Variants in TRIM64C observed in about 807,000 individuals in gnomAD.
TRIM64C encodes the protein tripartite motif containing 64C.
In TRIM64C, 25 loss-of-function variants were observed where a neutral mutation model predicts 36.1. The observed-to-expected ratio is 0.69, with a 90% CI of 0.51 to 0.97. TRIM64C has a LOEUF of 0.97. Among genes scored for constraint, TRIM64C ranks in the 50% least tolerant of loss-of-function variants. The pLI is 0.00. For missense variants in TRIM64C, 489 were observed against 536.8 expected, an observed-to-expected ratio of 0.91 and a Z score of 0.88; for synonymous variants, 212 against 185.7, an observed-to-expected ratio of 1.14 and a Z score of -1.15.
In TRIM64C at chr11:49,058,853, C is replaced by G; in HGVS notation, c.260G>C (p.Ser87Thr). ...ATGGAGCACACAGATATTGTCTGAG[C>G]TGTTGATGTTCTGAGGTCTGGTCTG... ...ARQTRPQNINSSDNICVLHEE... is the reference protein window; with the variant it reads ...ARQTRPQNINTSDNICVLHEE... The change falls in exon 1 of 6, where the codon AGC becomes ACC. Residue 87 changes from serine to threonine, a missense_variant. Ser to Thr is a moderately conservative substitution (Grantham distance 58, BLOSUM62 1). Coordinates refer to ENST00000617704, the MANE Select transcript of TRIM64C (RefSeq NM_001206631.1). The G allele has an allele frequency of 6.5e-7, 1 of 1,549,576 alleles. No individual in the cohort carries two copies. Among genetic ancestry groups the G allele is most frequent in the Admixed American group, 2.0e-5 (1 of 50,986 alleles).
chr11:49,056,470 T>A, intron 3 of TRIM64C, 89 bp from the exon 4 acceptor site: 1 of 1,092,466 alleles, frequency 9.2e-7, no homozygotes. Flanking sequence ...TGTTTTAGTG[T>A]TTTAATAATG....
In TRIM64C at chr11:49,057,197, T is replaced by A. The variant is rs2134721481; in HGVS notation, c.689A>T (p.Tyr230Phe). ...GTGGTATGTCTCCCACAGCTCTCTG[T>A]ACATGTCTTTCATCCCTTCTAAATG... is the stretch of plus-strand genomic sequence containing the variant. Reference protein sequence around the residue: ...TQHLEGMKDMYRELWETYHMP... With the variant: ...TQHLEGMKDMFRELWETYHMP... The change falls in exon 3 of 6, where the codon TAC becomes TTC. Residue 230 changes from tyrosine (Y) to phenylalanine (F), a missense_variant. Transcript: ENST00000617704. 6.5e-7 allele frequency: 1 copy of A among 1,549,660 alleles called. No homozygotes were observed. The highest frequency in any genetic ancestry group is 2.4e-5 in the East Asian group (1 of 40,900).
Position 49,056,391 on chromosome 11 carries a change from A to C in TRIM64C, c.739-10T>G, listed in dbSNP as rs749051884. On this transcript the variant is annotated splice_polypyrimidine_tract_variant and intron_variant, in intron 3 of 5. Coordinates refer to ENST00000617704, the MANE Select transcript of TRIM64C (RefSeq NM_001206631.1). ...ATATATTTCCCACATCCTGCAAAAA[A>C]AATAAAATGTAATGTTAATTATGAG... The C allele has an allele frequency of 1.3e-6, 2 of 1,538,682 alleles. No homozygotes were observed. Among genetic ancestry groups the C allele is most frequent in the South Asian group, 1.2e-5 (1 of 82,952 alleles).
At position 49,053,791 on chromosome 11, in the gene TRIM64C, C is replaced by T. The variant is rs967518383; in HGVS notation, c.1276G>A (p.Gly426Ser). ...GGAGGAAAACCATAGATAAGAGAACCTTTAGAAACATCAAAAAAACTCACA... is the reference window on the plus strand; with the variant it reads ...GGAGGAAAACCATAGATAAGAGAACTTTTAGAAACATCAAAAAAACTCACA... ...GSVSFFDVSK[G>S]SLIYGFPPSS... The change falls in exon 6 of 6, where the codon GGT becomes AGT. Residue 426 changes from glycine to serine, a missense_variant. By Grantham distance (56) the Gly-to-Ser change is moderately conservative. Transcript: ENST00000617704. 1.3e-5 allele frequency: 20 copies of T among 1,551,440 alleles called. No individual in the cohort carries two copies. In the East Asian group the frequency reaches 2.4e-4, roughly 19 times the overall value.
intron 4 of TRIM64C, among the ~76,000 whole-genome samples, chr11:49,055,993 T>C (rs1271047547): frequency 6.6e-6 from 1 of 151,418 alleles, no homozygotes; most frequent in Non-Finnish European, 1.5e-5. Flanking sequence ...CAGCCCATCC[T>C]TAGGGAATAT....
intron 5 of TRIM64C, among the ~76,000 whole-genome samples, 155 bp downstream of exon 5, chr11:49,055,155 A>T (rs1045871602): frequency 6.6e-6 from 1 of 152,224 alleles, no homozygotes; most frequent in Non-Finnish European, 1.5e-5. Flanking sequence ...TGATCATTGT[A>T]ATATTACTAT....
rs1281875139 is a variant in TRIM64C at position 49,054,200 on chromosome 11, A to T, written c.867T>A (p.Asn289Lys). 1 of 1,551,348 alleles carries T rather than the reference A, an allele frequency of 6.4e-7. No individual in the cohort carries two copies. ...LDMLNNFRVD[N>K]ALSTEMTPCY... ...AAGGAGTCATTTCTGTACTCAGAGCATTATCCACTGACAAGGAAAAAATAT... is the reference window on the plus strand; with the variant it reads ...AAGGAGTCATTTCTGTACTCAGAGCTTTATCCACTGACAAGGAAAAAATAT... The change falls in exon 6 of 6, where the codon AAT becomes AAA. Residue 289 changes from asparagine (N) to lysine (K), a missense_variant. Transcript: ENST00000617704.
Position 49,053,917 on chromosome 11 carries a change from T to C in TRIM64C, c.1150A>G (p.Ser384Gly), listed in dbSNP as rs572303490. Residue 384 changes from serine to glycine, a missense_variant, in exon 6 of 6, where the codon AGC (serine) becomes GGC (glycine). Coordinates refer to ENST00000617704, the MANE Select transcript of TRIM64C (RefSeq NM_001206631.1). ...KTFFSISSKT[S>G]NHYSLSTNSP... is the part of the protein sequence containing the mutation. ...TTGGTGGAGAGACTATAGTGATTGC[T>C]CGTCTTTGAAGAAATTGAAAAAAAT... 1.3e-6 allele frequency: 2 copies of C among 1,551,640 alleles called. No individual in the cohort carries two copies. Among genetic ancestry groups the C allele is most frequent in the African/African-American group, 1.4e-5 (1 of 73,162 alleles).
rs767992714 is a variant in TRIM64C, at chr11:49,058,701, G to A, written c.412C>T (p.Gln138Ter). ...ATTCAAACTGCCTTAGAGGCATCAC[G>A]TACCCTGCATTCCTCAGCAGCCCAT... is the stretch of plus-strand genomic sequence containing the variant. ...IGWAAEECRVQKLIKEMDYLW... is the reference protein window; with the variant it reads ...IGWAAEECRV The change falls in exon 1 of 6, where the codon CAG (glutamine) becomes TAG (stop). Residue 138 changes from glutamine to a stop codon, truncating the protein, a stop_gained and splice_region_variant. Coordinates refer to ENST00000617704, the MANE Select transcript of TRIM64C (RefSeq NM_001206631.1). LOFTEE classifies it high-confidence loss of function. The A allele has an allele frequency of 1.4e-5, 21 of 1,544,494 alleles. 1 individual carries two copies. The South Asian group carries it at 1.4e-4, about 11-fold the overall frequency.
At chr11:49,055,688 C>G (rs1225507962) in intron 4 of TRIM64C, among the ~76,000 whole-genome samples, 1 of 152,172 alleles carries the variant, frequency 6.6e-6, no homozygotes, top group Non-Finnish European at 1.5e-5. Flanking sequence ...ATCACACCCC[C>G]TGAGGGTATG....
chr11:49,056,465 T>C (rs924021513), intron 3 of TRIM64C, 84 bp from the exon 4 acceptor site: 2 of 1,160,934 alleles, frequency 1.7e-6, no homozygotes, highest in Non-Finnish European at 2.5e-6. Flanking sequence ...CTTTCTGTTT[T>C]AGTGTTTTAA....
At chr11:49,055,616 A>C (rs1399876820) in intron 4 of TRIM64C, among the ~76,000 whole-genome samples, 2 of 152,150 alleles carry the variant, frequency 1.3e-5, no homozygotes, top group African/African-American at 2.4e-5. Context: ...TTCTCCAGAT[A>C]TGTTATTCTC....
In TRIM64C at chr11:49,053,889, G is replaced by T. The variant is rs1274942624; in HGVS notation, c.1178C>A (p.Ser393Tyr). The T allele has an allele frequency of 6.4e-7, 1 of 1,551,764 alleles. No homozygotes were observed. The highest frequency in any genetic ancestry group is 2.0e-5 in the Admixed American group (1 of 51,010). ...TTGCACATACTGGATTAAAGGTGGA[G>T]AATTGGTGGAGAGACTATAGTGATT... ...TSNHYSLSTNSPPLIQYVQRP... is the reference protein window; with the variant it reads ...TSNHYSLSTNYPPLIQYVQRP... Residue 393 changes from serine to tyrosine, a missense_variant, in exon 6 of 6, where the codon TCT becomes TAT. Physicochemically the swap from Ser to Tyr is moderately radical, Grantham distance 144 (BLOSUM62 -2). Transcript: ENST00000617704.
Position 49,058,779 on chromosome 11 carries a change from C to A in TRIM64C, c.334G>T (p.Gly112Trp), listed in dbSNP as rs764048385. The A allele has an allele frequency of 1.9e-4, 293 of 1,548,634 alleles. 1 individual carries two copies. Among genetic ancestry groups the A allele is most frequent in the South Asian group, 7.6e-4 (64 of 83,964 alleles). ...TGCTCTGGTGACTCAGAGCAGGGCC[C>A]ACAGAGCAATCTCTTGTCAGCCTCA... ...FCEADKRLLC[G>W]PCSESPEHMA... is the part of the protein sequence containing the mutation. Residue 112 changes from glycine (G) to tryptophan (W), a missense_variant, in exon 1 of 6, where the codon GGG (glycine) becomes TGG (tryptophan). Physicochemically the swap from Gly to Trp is radical, Grantham distance 184. Coordinates refer to ENST00000617704, the MANE Select transcript of TRIM64C (RefSeq NM_001206631.1).
In TRIM64C at chr11:49,058,941, T is replaced by G. The variant is rs1168708464; in HGVS notation, c.172A>C (p.Ile58Leu). 4 of 1,551,310 alleles carry G rather than the reference T, an allele frequency of 2.6e-6. No individual in the cohort carries two copies. The highest frequency in any genetic ancestry group is 2.6e-6 in the Non-Finnish European group (3 of 1,146,910). The part of the protein sequence containing the change: ...APMRCPLCRK[I>L]SEKPNFNTNV... ...GTGTTGAAGTTGGGCTTCTCTGAGA[T>G]TTTTCTGCACAAAGGGCAGCGCATT... Residue 58 changes from isoleucine (I) to leucine (L), a missense_variant, in exon 1 of 6, where the codon ATC (isoleucine) becomes CTC (leucine). Physicochemically the swap from Ile to Leu is conservative, Grantham distance 5. Transcript: ENST00000617704.
chr11:49,056,821 G>C (rs781710102), intron 3 of TRIM64C, among the ~76,000 whole-genome samples: 2 of 151,924 alleles, frequency 1.3e-5, no homozygotes, highest in African/African-American at 4.9e-5. Flanking sequence ...ACATCAGAGA[G>C]TGAGGAGGAA....
intron 4 of TRIM64C, among the ~76,000 whole-genome samples, chr11:49,055,747 T>C (rs1854805391): frequency 6.6e-6 from 1 of 152,148 alleles, no homozygotes; most frequent in Non-Finnish European, 1.5e-5. Context: ...GACAAAAACC[T>C]TTGGGACCTC....
chr11:49,054,792 TC>T (rs1246350174), intron 5 of TRIM64C, among the ~76,000 whole-genome samples: 5 of 152,214 alleles, frequency 3.3e-5, no homozygotes, highest in Non-Finnish European at 5.9e-5. Context: ...TGTTCACAGA[TC>T]CCTCACCTTT....
Position 49,053,992 on chromosome 11 carries a change from G to A in TRIM64C, c.1075C>T (p.Arg359Ter), listed in dbSNP as rs578245950. 1.3e-5 allele frequency: 20 copies of A among 1,551,526 alleles called. No individual in the cohort carries two copies. Among genetic ancestry groups the A allele is most frequent in the Admixed American group, 5.9e-5 (3 of 50,986 alleles). ...HSSNWILGVC[R>*]DSRTADTNIV... is the part of the protein sequence containing the mutation. ...TTGGTATCTGCTGTCCTAGAATCTC[G>A]ACAGACTCCCAGAATCCAGTTGGAG... Residue 359 changes from arginine to a stop codon, truncating the protein, a stop_gained, in exon 6 of 6, where the codon CGA becomes TGA. Coordinates refer to ENST00000617704, the MANE Select transcript of TRIM64C (RefSeq NM_001206631.1). LOFTEE classifies it low-confidence loss of function (END_TRUNC).
Sources: gnomAD v4.1 joint callset for allele counts (sites outside exome capture counted in the v4.1 genomes callset) on GRCh38, gnomAD v4.1.1 for gene constraint, MANE v1.5 for transcripts, NCBI Gene and HGNC (gene_info 2026-07-23, HGNC 2026-07-21) for gene names.